Variants in ZNF420 observed in about 807,000 individuals in gnomAD.
ZNF420 encodes the protein zinc finger protein 420.
ZNF420 carries 31 observed loss-of-function variants against 44.7 expected under a neutral mutation model. That is an observed-to-expected ratio of 0.69 (90% CI 0.52 to 0.94). ZNF420 has a LOEUF of 0.94. ZNF420 is among the 40% of genes least tolerant of loss of function. ZNF420 has a pLI of 0.00. For missense variants in ZNF420, 681 were observed against 827.9 expected, an observed-to-expected ratio of 0.82 and a Z score of 2.18; for synonymous variants, 245 against 267.4, an observed-to-expected ratio of 0.92 and a Z score of 0.82.
At chr19:37,093,890 T>C (rs1256949610) in intron 4 of ZNF420, among the ~76,000 whole-genome samples, 2 of 152,124 alleles carry the variant, frequency 1.3e-5, no homozygotes, top group African/African-American at 4.8e-5. Flanking sequence ...AGCATTTCTC[T>C]TGGGGGTGAA....
At chr19:37,083,998 A>G (rs1379515993) in intron 2 of ZNF420, among the ~76,000 whole-genome samples, 1 of 152,164 alleles carries the variant, frequency 6.6e-6, no homozygotes, top group African/African-American at 2.4e-5. Context: ...GTGTTTTATA[A>G]TCTGAAAAAA....
chr19:37,107,346 T>C (rs1443456915), intron 4 of ZNF420: 1 of 152,232 alleles, frequency 6.6e-6, no homozygotes, highest in Non-Finnish European at 1.5e-5. Flanking sequence ...GATTAGAGAA[T>C]GGTGATGACT....
upstream of ZNF420, among the ~76,000 whole-genome samples, chr19:37,076,935 C>T (rs1968172009): frequency 6.6e-6 from 1 of 152,184 alleles, no homozygotes; most frequent in African/African-American, 2.4e-5. Context: ...CCTGATCACA[C>T]ACACAGGTTC....
intron 1 of ZNF420, among the ~76,000 whole-genome samples, chr19:37,037,383 G>A (rs1218348811): frequency 2.0e-5 from 3 of 152,228 alleles, no homozygotes; most frequent in African/African-American, 7.2e-5. Flanking sequence ...CCTGCGTCAT[G>A]TCTTCTCAGC....
chr19:37,026,405 C>T (rs1345658693), intron 1 of ZNF420, among the ~76,000 whole-genome samples: 7 of 152,110 alleles, frequency 4.6e-5, no homozygotes, highest in African/African-American at 1.4e-4. Flanking sequence ...ACTGCACCTC[C>T]GCCTCCTGGG....
intron 4 of ZNF420, among the ~76,000 whole-genome samples, chr19:37,119,697 A>G (rs576360023): frequency 6.6e-6 from 1 of 152,336 alleles, no homozygotes; most frequent in East Asian, 1.9e-4. Flanking sequence ...TGGTTTTTTG[A>G]AAAGATCAAC....
At chr19:37,118,673 G>A (rs1970836109) in intron 4 of ZNF420, among the ~76,000 whole-genome samples, 1 of 151,714 alleles carries the variant, frequency 6.6e-6, no homozygotes, top group Non-Finnish European at 1.5e-5. Context: ...ACACAGACTG[G>A]CAAATTGGAT....
chr19:37,121,341 C>T, intron 4 of ZNF420, among the ~76,000 whole-genome samples: 1 of 147,736 alleles, frequency 6.8e-6, no homozygotes, highest in Non-Finnish European at 1.5e-5. Flanking sequence ...ACTATCTGAT[C>T]TTTGACAAAC....
intron 4 of ZNF420, among the ~76,000 whole-genome samples, chr19:37,113,197 T>A (rs948262748): frequency 6.6e-6 from 1 of 152,238 alleles, no homozygotes; most frequent in Admixed American, 6.5e-5. Context: ...TGTTTTCCTT[T>A]TTTACCTCTT....
rs1204238852 is a variant in ZNF420, at chr19:37,021,084, G to A, written c.-125+13002G>A. ...TAAAAATTAGGAGGAAAATAACCCAGCCAAAATCATGAGCAAAAGACGTGT... is the reference window on the plus strand; with the variant it reads ...TAAAAATTAGGAGGAAAATAACCCAACCAAAATCATGAGCAAAAGACGTGT... On this transcript the variant is annotated intron_variant, in intron 1 of 4. Transcript: ENST00000587029. Among the ~76,000 whole-genome samples the A allele has an allele frequency of 2.0e-5, 3 of 152,256 alleles. No homozygotes were observed. In the East Asian group the frequency reaches 5.8e-4, roughly 29 times the overall value.
upstream of ZNF420, among the ~76,000 whole-genome samples, chr19:37,073,920 G>T (rs1172297844): frequency 6.6e-6 from 1 of 151,912 alleles, no homozygotes; most frequent in African/African-American, 2.4e-5. Context: ...GATGATAACA[G>T]GCTAAAGTAC....
At chr19:37,095,795 C>T (rs1183636689) in intron 4 of ZNF420, among the ~76,000 whole-genome samples, 1 of 152,054 alleles carries the variant, frequency 6.6e-6, no homozygotes, top group African/African-American at 2.4e-5. Context: ...GACGGGGTTT[C>T]GCCATGTTGG....
rs115882187 is a variant in ZNF420 at position 37,038,471 on chromosome 19, C to T, written c.-125+30389C>T. 2.6e-3 allele frequency among the ~76,000 whole-genome samples: 390 copies of T among 152,316 alleles called. 2 individuals are homozygous for T. The highest frequency in any genetic ancestry group is 8.4e-3 in the African/African-American group (351 of 41,558). ...GTGCAGCTTGATAGCATCTTACCCA[C>T]GGTAGAATTTTTATCAGAATTGGAA... On this transcript the variant is annotated intron_variant, in intron 1 of 4. Transcript: ENST00000587029.
rs117859926 is a variant in ZNF420 at position 37,123,326 on chromosome 19, A to C, written c.137-3802A>C. On this transcript the variant is annotated intron_variant, in intron 4 of 4. Transcript: ENST00000337995. ...AAAGTCGATTTTTTAAAGATGGCTG[A>C]GACTGAGGTCAGATGGATTTTTTCC... Among the ~76,000 whole-genome samples, 914 of 152,304 alleles carry C rather than the reference A, an allele frequency of 6.0e-3. 28 individuals carry two copies. Among genetic ancestry groups the C allele is most frequent in the East Asian group, 0.045 (233 of 5,180 alleles).
At chr19:37,036,424 T>C (rs754853616) in intron 1 of ZNF420, among the ~76,000 whole-genome samples, 1 of 152,122 alleles carries the variant, frequency 6.6e-6, no homozygotes, top group Non-Finnish European at 1.5e-5. Context: ...CCAAATTCCC[T>C]CCTGTCCCAG....
chr19:37,078,179 C>G (rs1968214092), upstream of ZNF420: 1 of 152,344 alleles, frequency 6.6e-6, no homozygotes, highest in Admixed American at 6.5e-5. Flanking sequence ...AGGCCCTGAG[C>G]GTCTGACGCC....
intron 4 of ZNF420, among the ~76,000 whole-genome samples, chr19:37,123,056 A>G (rs1317568017): frequency 6.6e-6 from 1 of 152,198 alleles, no homozygotes; most frequent in Non-Finnish European, 1.5e-5. Context: ...CAAAACCTGC[A>G]TAGTCTTCCT....
chr19:37,109,804 ATTC>A (rs1000990137), intron 4 of ZNF420: 9 of 152,132 alleles, frequency 5.9e-5, no homozygotes, highest in African/African-American at 9.7e-5. Context: ...CATGTGGGCT[ATTC>A]TTTTTTTTAC....
intron 4 of ZNF420, among the ~76,000 whole-genome samples, chr19:37,095,685 G>A (rs1296995755): frequency 2.6e-5 from 4 of 151,904 alleles, no homozygotes; most frequent in Non-Finnish European, 2.9e-5. Flanking sequence ...TGCAACCTCC[G>A]CTTCCCAGGT....
Sources: gnomAD v4.1 joint callset for allele counts (sites outside exome capture counted in the v4.1 genomes callset) on GRCh38, gnomAD v4.1.1 for gene constraint, MANE v1.5 for transcripts, NCBI Gene and HGNC (gene_info 2026-07-23, HGNC 2026-07-21) for gene names.